Variants in SLC25A48 observed in about 807,000 individuals in gnomAD.
The protein encoded by SLC25A48 is solute carrier family 25 member 48, also known as CTC-321K16.1.
SLC25A48 carries 29 observed loss-of-function variants against 32.2 expected under a neutral mutation model. The ratio of observed to expected loss-of-function variants is 0.90; its 90% CI spans 0.67 to 1.23. SLC25A48 has a LOEUF of 1.23. SLC25A48 is among the 50% of genes most tolerant of loss of function. The probability of loss-of-function intolerance (pLI) is 0.00; values close to 1 mark genes in which losing one functional copy is unlikely to be tolerated. For missense variants in SLC25A48, 399 were observed against 422.7 expected, an observed-to-expected ratio of 0.94 and a Z score of 0.49; for synonymous variants, 164 against 172.3, an observed-to-expected ratio of 0.95 and a Z score of 0.38.
chr5:135,881,432 C>T (rs1762465799), intron 7 of SLC25A48, among the ~76,000 whole-genome samples: 1 of 152,208 alleles, frequency 6.6e-6, no homozygotes, highest in South Asian at 2.1e-4. Context: ...CAGGACAAGC[C>T]CCAGAAGCTG....
chr5:135,886,128 TG>T (rs1277867044), intron 7 of SLC25A48, among the ~76,000 whole-genome samples: 3 of 152,180 alleles, frequency 2.0e-5, no homozygotes, highest in African/African-American at 7.2e-5. Flanking sequence ...ATTATTGTAA[TG>T]TTTTAATTTT....
intron 3 of SLC25A48, among the ~76,000 whole-genome samples, chr5:135,711,821 T>C (rs1190129712): frequency 3.3e-5 from 5 of 152,124 alleles, no homozygotes; most frequent in Admixed American, 6.5e-5. Context: ...GCTCCGTTTA[T>C]TGATTACCCC....
chr5:135,883,143 C>G, intron 7 of SLC25A48: 7 of 985,466 alleles, frequency 7.1e-6, no homozygotes, highest in Non-Finnish European at 8.4e-6. Context: ...AGACTCTCCA[C>G]CAGGTGGGCT....
chr5:135,666,978 A>G (rs1753538656), intron 3 of SLC25A48, among the ~76,000 whole-genome samples: 1 of 152,190 alleles, frequency 6.6e-6, no homozygotes, highest in African/African-American at 2.4e-5. Flanking sequence ...TTGAAAGAGT[A>G]TAATCATTTG....
chr5:135,771,210 C>CG (rs1027123166), intron 3 of SLC25A48, among the ~76,000 whole-genome samples: 5 of 150,760 alleles, frequency 3.3e-5, no homozygotes, highest in Admixed American at 6.6e-5. Flanking sequence ...TTGTAATAGC[C>CG]GGGGGGGAGA....
At chr5:135,852,430 C>A in intron 3 of SLC25A48, 133 bp from the exon 4 acceptor site, 1 of 1,125,466 alleles carries the variant, frequency 8.9e-7, no homozygotes, top group Non-Finnish European at 1.3e-6. Context: ...TACCTCCTGT[C>A]GCATCAGCAC....
chr5:135,801,011 C>T (rs1357360713), intron 3 of SLC25A48, among the ~76,000 whole-genome samples: 11 of 151,380 alleles, frequency 7.3e-5, no homozygotes, highest in Non-Finnish European at 1.5e-4. Context: ...AGGGTGTGTA[C>T]ACCCTTCTGT....
chr5:135,657,857 A>T (rs554140523), intron 3 of SLC25A48, among the ~76,000 whole-genome samples: 11 of 152,172 alleles, frequency 7.2e-5, no homozygotes, highest in Non-Finnish European at 1.6e-4. Context: ...CTTTTACAAA[A>T]ACTCGTAATT....
intron 3 of SLC25A48, among the ~76,000 whole-genome samples, chr5:135,669,376 T>A (rs980357): frequency 0.68 from 103,489 of 151,794 alleles, 35,778 homozygotes; most frequent in Middle Eastern, 0.79. Context: ...GAAGGATTTG[T>A]GTGCAAGTTG....
At chr5:135,639,590 A>G (rs57409952) in intron 3 of SLC25A48, among the ~76,000 whole-genome samples, 3,223 of 152,262 alleles carry the variant, frequency 0.021, 116 homozygotes, top group African/African-American at 0.068. Context: ...AAAGAGCTCA[A>G]AGATGAATTA....
Position 135,886,607 on chromosome 5 carries a change from ATATATATATATATATATATATATAT to A in SLC25A48, c.*8-1424_*8-1400del, listed in dbSNP as rs1762724998. 4.1e-4 allele frequency among the ~76,000 whole-genome samples: 19 copies of A among 46,184 alleles called. 1 individual carries two copies. The highest frequency in any genetic ancestry group is 0.012 in the Middle Eastern group (1 of 84). 30.3% of individuals were successfully genotyped at this position (46,184 alleles called of 152,430 possible). A position where few individuals can be genotyped will look rare whatever the true frequency, so the allele number is the denominator to read the frequency against. The stretch of plus-strand genomic sequence containing the variant: ...TAACCAAATATATATATATATATAT[ATATATATATATATATATATATATAT>A]ATATAAAATATATATATGTGTGTGT... On this transcript the variant is annotated intron_variant, in intron 7 of 7. Transcript: ENST00000681962.
chr5:135,826,961 G>C (rs1349287078), intron 4 of SLC25A48: 1 of 152,368 alleles, frequency 6.6e-6, no homozygotes, highest in Non-Finnish European at 1.5e-5. Context: ...CCCTTGGGTA[G>C]AGCAGGTAAG....
At chr5:135,662,461 G>A (rs374532600) in intron 3 of SLC25A48, among the ~76,000 whole-genome samples, 22 of 152,274 alleles carry the variant, frequency 1.4e-4, no homozygotes, top group Non-Finnish European at 2.8e-4. Flanking sequence ...ACTGTTAGTC[G>A]TCATTCTGTG....
At chr5:135,755,489 T>C (rs1755875932) in intron 3 of SLC25A48, among the ~76,000 whole-genome samples, 1 of 152,056 alleles carries the variant, frequency 6.6e-6, no homozygotes, top group African/African-American at 2.4e-5. Context: ...TCATATCATA[T>C]CTAGTGTTGA....
chr5:135,752,861 A>C (rs62365677), intron 3 of SLC25A48, among the ~76,000 whole-genome samples: 107,637 of 151,766 alleles, frequency 0.71, 39,603 homozygotes, highest in Middle Eastern at 0.83. Flanking sequence ...TGGTCTACAC[A>C]CTCTGTGATA....
At chr5:135,711,299 A>G (rs149695562) in intron 3 of SLC25A48, among the ~76,000 whole-genome samples, 2 of 152,236 alleles carry the variant, frequency 1.3e-5, no homozygotes, top group African/African-American at 4.8e-5. Flanking sequence ...CCAGTCAAAG[A>G]GATAGTCAGT....
Position 135,834,840 on chromosome 5 carries a change from C to A in SLC25A48, c.-8C>A, listed in dbSNP as rs568781610. The A allele has an allele frequency of 3.8e-6, 6 of 1,594,150 alleles. No homozygotes were observed. On this transcript the variant is annotated 5_prime_UTR_variant, in exon 1 of 8. Transcript: ENST00000681962. The stretch of plus-strand genomic sequence containing the variant: ...CCGGCTCCGGGAGGGCGAGACCGAG[C>A]GCCGGCCATGGGAAGCTTCCAGCTG...
intron 3 of SLC25A48, chr5:135,652,341 A>G (rs1300652789): frequency 4.4e-6 from 2 of 455,656 alleles, no homozygotes; most frequent in Non-Finnish European, 4.4e-6. Context: ...TATGTATTCT[A>G]GAAATCGACT....
At chr5:135,796,016 G>GGT (rs1561497214) in intron 3 of SLC25A48, among the ~76,000 whole-genome samples, 1 of 132,066 alleles carries the variant, frequency 7.6e-6, no homozygotes, top group Non-Finnish European at 1.7e-5. Context: ...GCGAGGGGGG[G>GGT]GTGGGTGTAA....
Sources: gnomAD v4.1 joint callset for allele counts (sites outside exome capture counted in the v4.1 genomes callset) on GRCh38, gnomAD v4.1.1 for gene constraint, MANE v1.5 for transcripts, NCBI Gene and HGNC (gene_info 2026-07-23, HGNC 2026-07-21) for gene names.